The following RGS17 variants were observed in gnomAD, a reference collection of about 807,000 sequenced individuals.
The protein encoded by RGS17 is regulator of G-protein signaling 17.
Under a neutral mutation model 25.5 loss-of-function variants are expected in RGS17, and 12 were observed. The ratio of observed to expected loss-of-function variants is 0.47; its 90% CI spans 0.30 to 0.76. The LOEUF (loss-of-function observed/expected upper bound fraction) is 0.76, where lower values mean the gene tolerates loss of function less well. Ranked by LOEUF, RGS17 falls within the 30% of genes least tolerant of loss-of-function variation. The pLI is 0.07. For missense variants in RGS17, 196 were observed against 242.2 expected, an observed-to-expected ratio of 0.81 and a Z score of 1.27; for synonymous variants, 71 against 76.9, an observed-to-expected ratio of 0.92 and a Z score of 0.40.
chr6:153,084,516 T>C lies in RGS17; in HGVS notation c.-25-40473A>G, dbSNP rs112006818. ...CAGAGAAGTGAGCAAAGGGAGCCAC[T>C]TGGCTTAAATGACTCATTCTAAAAG... On this transcript the variant is annotated intron_variant, in intron 1 of 4. Coordinates refer to ENST00000206262, the MANE Select transcript of RGS17 (RefSeq NM_012419.5). Among the ~76,000 whole-genome samples, 463 of 152,236 alleles carry C rather than the reference T, an allele frequency of 3.0e-3. 1 individual carries two copies. Among genetic ancestry groups the C allele is most frequent in the Middle Eastern group, 0.014 (4 of 294 alleles).
At chr6:153,072,938 T>C (rs1196295033) in intron 1 of RGS17, among the ~76,000 whole-genome samples, 4 of 121,728 alleles carry the variant, frequency 3.3e-5, no homozygotes, top group Non-Finnish European at 6.8e-5. Flanking sequence ...GATCCAAAGT[T>C]AAAAAATATA....
chr6:153,083,494 G>A (rs1374840389), intron 1 of RGS17, among the ~76,000 whole-genome samples: 2 of 152,140 alleles, frequency 1.3e-5, no homozygotes, highest in African/African-American at 4.8e-5. Flanking sequence ...TTCCTAACAG[G>A]CAAGCTTGCA....
At chr6:153,063,530 C>T (rs1461421893) in intron 1 of RGS17, among the ~76,000 whole-genome samples, 5 of 151,772 alleles carry the variant, frequency 3.3e-5, no homozygotes, top group African/African-American at 1.2e-4. Flanking sequence ...TGGAAATATG[C>T]AGTCAGAGGA....
Position 153,130,457 on chromosome 6 carries a change from C to T in RGS17, c.-26+667G>A, listed in dbSNP as rs1411275211. 2.0e-5 allele frequency among the ~76,000 whole-genome samples: 3 copies of T among 148,386 alleles called. No homozygotes were observed. Among genetic ancestry groups the T allele is most frequent in the Non-Finnish European group, 4.5e-5 (3 of 67,412 alleles). Reference sequence around the variant, plus strand: ...GGGAGGGGAAGGAACAAAAGAGACCCCCCACCCCCTATACATACATACACA... The same window carrying T: ...GGGAGGGGAAGGAACAAAAGAGACCTCCCACCCCCTATACATACATACACA... On this transcript the variant is annotated intron_variant, in intron 1 of 4. Coordinates refer to ENST00000206262, the MANE Select transcript of RGS17 (RefSeq NM_012419.5). The surrounding 1 kb of genome is among the most constrained non-coding windows in gnomAD (Gnocchi z 6.4).
intron 1 of RGS17, among the ~76,000 whole-genome samples, chr6:153,092,599 GC>G (rs2129121911): frequency 6.6e-6 from 1 of 152,284 alleles, no homozygotes; most frequent in East Asian, 1.9e-4. Context: ...TGCGGAATGG[GC>G]TTGGGATGCC....
At chr6:153,039,321 T>G (rs1404451024) in intron 2 of RGS17, among the ~76,000 whole-genome samples, 2 of 152,176 alleles carry the variant, frequency 1.3e-5, no homozygotes, top group Non-Finnish European at 2.9e-5. Context: ...TGTTGTTGTT[T>G]TTTCAAATGA....
At chr6:153,063,599 C>T (rs1264670436) in intron 1 of RGS17, among the ~76,000 whole-genome samples, 7 of 152,122 alleles carry the variant, frequency 4.6e-5, no homozygotes, top group East Asian at 3.9e-4. Flanking sequence ...AGAAAATAGA[C>T]TCAACAGGGC....
rs1779078492 is a variant in RGS17, at chr6:153,006,579, T to G, written c.*4995A>C. 1 of 152,592 alleles carries G rather than the reference T, an allele frequency of 6.6e-6. No individual in the cohort carries two copies. Among genetic ancestry groups the G allele is most frequent in the South Asian group, 2.1e-4 (1 of 4,834 alleles). 9.5% of individuals were successfully genotyped at this position (152,592 alleles called of 1,614,324 possible). On this transcript the variant is annotated 3_prime_UTR_variant, in exon 5 of 5. Coordinates refer to ENST00000206262, the MANE Select transcript of RGS17 (RefSeq NM_012419.5). ...TGTTCCATCTTAAAACATGATTGTA[T>G]GTTTTGATGAGTAGCTAAATCAGAT...
intron 1 of RGS17, among the ~76,000 whole-genome samples, chr6:153,125,624 T>C (rs1420456558): frequency 6.6e-6 from 1 of 152,176 alleles, no homozygotes; most frequent in African/African-American, 2.4e-5. Flanking sequence ...TCCAGCACTT[T>C]GGGAGGCTGA....
chr6:153,024,171 A>G (rs1428658146), intron 4 of RGS17, 91 bp downstream of exon 4: 2 of 786,914 alleles, frequency 2.5e-6, no homozygotes, highest in Middle Eastern at 3.6e-4. Context: ...TACCCTCTCC[A>G]CACCCCATGC....
At chr6:153,045,488 A>G (rs1192521900) in intron 1 of RGS17, among the ~76,000 whole-genome samples, 1 of 152,204 alleles carries the variant, frequency 6.6e-6, no homozygotes, top group Non-Finnish European at 1.5e-5. Context: ...TGGGTCAGGG[A>G]ATTTTCCAAA....
chr6:153,068,944 C>T (rs531915976), intron 1 of RGS17, among the ~76,000 whole-genome samples: 1 of 152,224 alleles, frequency 6.6e-6, no homozygotes, highest in East Asian at 1.9e-4. Flanking sequence ...ATCCAAAAGA[C>T]AGGCCATAAC....
At chr6:153,027,483 C>T (rs149520573) in intron 2 of RGS17, among the ~76,000 whole-genome samples, 14 of 152,034 alleles carry the variant, frequency 9.2e-5, no homozygotes, top group East Asian at 3.9e-4. Flanking sequence ...GTCTAGAAGC[C>T]GAGGAGCTTA....
At chr6:153,024,902 C>T (rs759559294) in intron 3 of RGS17, among the ~76,000 whole-genome samples, 2 of 152,132 alleles carry the variant, frequency 1.3e-5, no homozygotes, top group Admixed American at 6.5e-5. Context: ...TTTCAATTTT[C>T]CAGCCATAAG....
At chr6:153,098,897 T>G (rs993680305) in intron 1 of RGS17, among the ~76,000 whole-genome samples, 6 of 152,176 alleles carry the variant, frequency 3.9e-5, no homozygotes, top group Non-Finnish European at 8.8e-5. Context: ...GGTGCATTGA[T>G]GGAGTAAAAG....
At chr6:153,020,111 A>AATATATATATATATATAT (rs1779227259) in intron 4 of RGS17, among the ~76,000 whole-genome samples, 10 of 58,440 alleles carry the variant, frequency 1.7e-4, no homozygotes, top group Non-Finnish European at 3.0e-4. Context: ...AAAAAAAAAA[A>AATATATATATATATATAT]ATATATATAT....
chr6:153,053,402 G>A lies in RGS17; in HGVS notation c.-25-9359C>T, dbSNP rs531771661. ...GGACTGGATCCATTACTGGGTGTTC[G>A]GGAAGATAACGATCAGGCTGTGATT... On this transcript the variant is annotated intron_variant, in intron 1 of 4. Coordinates refer to ENST00000206262, the MANE Select transcript of RGS17 (RefSeq NM_012419.5). 2.8e-3 allele frequency among the ~76,000 whole-genome samples: 419 copies of A among 152,234 alleles called. 2 individuals carry two copies. The highest frequency in any genetic ancestry group is 8.3e-3 in the African/African-American group (345 of 41,528).
intron 2 of RGS17, among the ~76,000 whole-genome samples, chr6:153,030,151 G>T (rs1366689673): frequency 6.6e-6 from 1 of 152,154 alleles, no homozygotes; most frequent in Admixed American, 6.6e-5. Context: ...AAAAATACTT[G>T]TGACATTTGA....
chr6:153,013,225 C>T (rs780280132), intron 4 of RGS17, among the ~76,000 whole-genome samples: 6 of 152,124 alleles, frequency 3.9e-5, no homozygotes, highest in Non-Finnish European at 7.3e-5. Flanking sequence ...CAATTTTCAT[C>T]ATTATTATAT....
Sources: gnomAD v4.1 joint callset for allele counts (sites outside exome capture counted in the v4.1 genomes callset) on GRCh38, gnomAD v4.1.1 for gene constraint, Gnocchi (gnomAD v3.1) non-coding constraint, MANE v1.5 for transcripts, NCBI Gene and HGNC (gene_info 2026-07-23, HGNC 2026-07-21) for gene names.